Variants in ROBO1 observed in about 807,000 individuals in gnomAD.
The protein encoded by ROBO1 is roundabout homolog 1.
Under a neutral mutation model 195.9 loss-of-function variants are expected in ROBO1, and 149 were observed. The ratio of observed to expected loss-of-function variants is 0.76; its 90% CI spans 0.67 to 0.87. The LOEUF is 0.87. Among genes scored for constraint, ROBO1 ranks in the 40% least tolerant of loss-of-function variants. The pLI is 0.00. For missense variants in ROBO1, 1,933 were observed against 2,068.3 expected (o/e 0.93, Z 1.27); for synonymous variants, 816 against 733.2 (o/e 1.11, Z -1.82).
chr3:79,484,047 A>G (rs1939014373), intron 2 of ROBO1, among the ~76,000 whole-genome samples: 1 of 152,166 alleles, frequency 6.6e-6, no homozygotes, highest in African/African-American at 2.4e-5. Context: ...AACATTTAAT[A>G]TACCACTTGT....
intron 2 of ROBO1, among the ~76,000 whole-genome samples, chr3:79,353,465 C>T (rs997669869): frequency 1.1e-4 from 17 of 151,494 alleles, no homozygotes; most frequent in African/African-American, 4.1e-4. Flanking sequence ...AAATAATTTC[C>T]AAGTAGGGAA....
Position 79,589,813 on chromosome 3 carries a change from A to C in ROBO1, c.88+11T>G, listed in dbSNP as rs1300662426. On this transcript the variant is annotated intron_variant, in intron 2 of 30. Transcript: ENST00000464233. The stretch of plus-strand genomic sequence containing the variant: ...GGTTAAGTATTGATGAAACAAATGC[A>C]CAGCACTTACCTGGAATAAGCTGGG... 6.2e-7 allele frequency: 1 copy of C among 1,604,314 alleles called. No homozygotes were observed.
At chr3:78,959,294 A>G (rs554914311) in intron 3 of ROBO1, among the ~76,000 whole-genome samples, 57 of 152,286 alleles carry the variant, frequency 3.7e-4, no homozygotes, top group African/African-American at 1.3e-3. Context: ...TGTGAAAGAA[A>G]GAGATTGTCA....
chr3:79,342,708 G>A (rs562861996), intron 2 of ROBO1, among the ~76,000 whole-genome samples: 3 of 152,144 alleles, frequency 2.0e-5, no homozygotes, highest in South Asian at 4.1e-4. Flanking sequence ...CACAGGGCTC[G>A]GGAAAAATAA....
Position 78,635,990 on chromosome 3 carries a change from G to A in ROBO1, c.3156C>T (p.Thr1052=), listed in dbSNP as rs1486544490. ...DLSNKINEMK[T]FNSPNLKDGR... ...CATCCTTCAGATTTGGGCTATTGAA[G>A]GTTTTCATCTCATTGATTTTGTTAC... Residue 1052 remains threonine (T), a synonymous_variant, in exon 23 of 31, where the codon ACC becomes ACT. Transcript: ENST00000464233. 2.5e-6 allele frequency: 4 copies of A among 1,613,814 alleles called. No individual in the cohort carries two copies. The South Asian group carries it at 4.4e-5, about 18-fold the overall frequency.
At chr3:78,659,945 G>C in intron 16 of ROBO1, 138 bp from the exon 17 acceptor site, 2 of 510,376 alleles carry the variant, frequency 3.9e-6, no homozygotes, top group Non-Finnish European at 3.1e-6. Context: ...TTTTGAGACG[G>C]AGGCTCGCTC....
At chr3:78,696,598 A>G (rs1024537348) in intron 8 of ROBO1, among the ~76,000 whole-genome samples, 1 of 150,768 alleles carries the variant, frequency 6.6e-6, no homozygotes, top group Non-Finnish European at 1.5e-5. Context: ...ATAGTTGTTT[A>G]ACCTAAAATC....
chr3:78,883,244 T>TAAA (rs34278886), intron 4 of ROBO1, among the ~76,000 whole-genome samples: 45,228 of 147,504 alleles, frequency 0.31, 6,846 homozygotes, highest in Non-Finnish European at 0.34. Context: ...TTTCTGTTGG[T>TAAA]AAAAAAAAAA....
chr3:79,709,131 G>A (rs1297043266), intron 1 of ROBO1, among the ~76,000 whole-genome samples: 1 of 151,982 alleles, frequency 6.6e-6, no homozygotes, highest in Non-Finnish European at 1.5e-5. Flanking sequence ...TTTAACTTAA[G>A]CAAAACAAAA....
intron 3 of ROBO1, among the ~76,000 whole-genome samples, chr3:79,121,518 G>C (rs1229104594): frequency 1.3e-5 from 2 of 151,906 alleles, no homozygotes; most frequent in African/African-American, 2.4e-5. Flanking sequence ...GTAGTGTTGA[G>C]TGGTAGAAGC....
At chr3:79,743,661 C>G (rs1457338444) in intron 1 of ROBO1, among the ~76,000 whole-genome samples, 1 of 152,218 alleles carries the variant, frequency 6.6e-6, no homozygotes, top group Non-Finnish European at 1.5e-5. Flanking sequence ...TAAACACACA[C>G]ATTCTACAGC....
At chr3:79,751,946 A>C (rs1227769429) in intron 1 of ROBO1, among the ~76,000 whole-genome samples, 1 of 152,196 alleles carries the variant, frequency 6.6e-6, no homozygotes, top group Non-Finnish European at 1.5e-5. Context: ...CCAGTCATCC[A>C]TTCAACAAAG....
At chr3:79,760,050 A>C (rs558433547) in intron 1 of ROBO1, among the ~76,000 whole-genome samples, 57 of 151,998 alleles carry the variant, frequency 3.8e-4, no homozygotes, top group Admixed American at 1.2e-3. Context: ...CAGCCTGGCC[A>C]ATAAGGTGAA....
At chr3:78,802,941 C>G (rs142749487) in intron 4 of ROBO1, among the ~76,000 whole-genome samples, 213 of 152,152 alleles carry the variant, frequency 1.4e-3, no homozygotes, top group African/African-American at 5.1e-3. Flanking sequence ...AGAGACATAG[C>G]CAGTAAGTAT....
chr3:79,416,289 T>C (rs1487239748), intron 2 of ROBO1, among the ~76,000 whole-genome samples: 1 of 151,648 alleles, frequency 6.6e-6, no homozygotes, highest in Non-Finnish European at 1.5e-5. Flanking sequence ...GTAGTGGAGA[T>C]AGAAAGAAGT....
At chr3:79,413,990 C>G (rs2037890762) in intron 2 of ROBO1, among the ~76,000 whole-genome samples, 1 of 152,058 alleles carries the variant, frequency 6.6e-6, no homozygotes, top group African/African-American at 2.4e-5. Flanking sequence ...AAAGCATGAA[C>G]TTCCAGTCTG....
chr3:79,466,031 T>TAA (rs142572388), intron 2 of ROBO1, among the ~76,000 whole-genome samples: 2 of 145,436 alleles, frequency 1.4e-5, no homozygotes, highest in Admixed American at 6.9e-5. Context: ...CAATCTCCTT[T>TAA]AAAAAAAAAA....
At chr3:79,695,993 G>C (rs1487726722) in intron 1 of ROBO1, among the ~76,000 whole-genome samples, 1 of 151,278 alleles carries the variant, frequency 6.6e-6, no homozygotes, top group South Asian at 2.1e-4. Flanking sequence ...TTGGGGAGGG[G>C]GTTCTGTGTT....
intron 2 of ROBO1, among the ~76,000 whole-genome samples, chr3:79,509,155 C>A (rs1940564431): frequency 6.6e-6 from 1 of 151,620 alleles, no homozygotes; most frequent in Non-Finnish European, 1.5e-5. Context: ...GGATTCAGAT[C>A]TATTATGTAC....
Sources: allele counts gnomAD v4.1 joint callset (sites outside exome capture counted in the v4.1 genomes callset), GRCh38; gene constraint gnomAD v4.1.1; transcripts MANE v1.5; gene names NCBI Gene and HGNC (gene_info 2026-07-23, HGNC 2026-07-21).